LUZP2: variants seen among roughly 807,000 people sequenced by gnomAD.
LUZP2 encodes the protein leucine zipper protein 2.
Under a neutral mutation model 51.6 loss-of-function variants are expected in LUZP2, and 52 were observed. The observed-to-expected ratio is 1.01, with a 90% CI of 0.81 to 1.27. LUZP2 has a LOEUF of 1.27. Ranked by LOEUF, LUZP2 falls within the 50% of genes most tolerant of loss-of-function variation. The probability of loss-of-function intolerance (pLI) is 0.00; values close to 1 mark genes in which losing one functional copy is unlikely to be tolerated. For synonymous variants in LUZP2, 154 were observed against 137.3 expected, an observed-to-expected ratio of 1.12 and a Z score of -0.85; for missense variants, 436 against 395.4, an observed-to-expected ratio of 1.10 and a Z score of -0.87.
intron 7 of LUZP2, among the ~76,000 whole-genome samples, chr11:24,962,782 C>A (rs1182585066): frequency 6.6e-6 from 1 of 152,222 alleles, no homozygotes; most frequent in Non-Finnish European, 1.5e-5. Context: ...ATTCTCCGTC[C>A]CGCTTTGTTC....
intron 1 of LUZP2, among the ~76,000 whole-genome samples, chr11:24,528,766 C>T (rs1195545402): frequency 6.6e-6 from 1 of 151,152 alleles, no homozygotes; most frequent in African/African-American, 2.4e-5. Flanking sequence ...ATTCAAGCCC[C>T]TAAATGCTGA....
intron 1 of LUZP2, among the ~76,000 whole-genome samples, chr11:24,721,386 T>C (rs4254071): frequency 0.18 from 27,771 of 152,174 alleles, 3,199 homozygotes; most frequent in East Asian, 0.3. Context: ...CAATAGGAAA[T>C]ACCATATTTG....
intron 5 of LUZP2, among the ~76,000 whole-genome samples, chr11:24,776,178 A>G (rs765459671): frequency 1.3e-5 from 2 of 152,222 alleles, no homozygotes; most frequent in African/African-American, 2.4e-5. Flanking sequence ...ACTTTTAGAC[A>G]GTCTCATTTC....
At chr11:24,556,574 G>A (rs550002337) in intron 1 of LUZP2, among the ~76,000 whole-genome samples, 8 of 152,256 alleles carry the variant, frequency 5.3e-5, no homozygotes, top group Non-Finnish European at 5.9e-5. Flanking sequence ...AATATGTAGA[G>A]TAAGGCAGAG....
chr11:24,677,639 T>C (rs1316444055), intron 1 of LUZP2, among the ~76,000 whole-genome samples: 1 of 152,238 alleles, frequency 6.6e-6, no homozygotes, highest in Non-Finnish European at 1.5e-5. Flanking sequence ...TGTTCTTTAT[T>C]CATTTTCTTT....
At chr11:24,730,770 T>G (rs1482783207) in intron 2 of LUZP2, among the ~76,000 whole-genome samples, 1 of 151,936 alleles carries the variant, frequency 6.6e-6, no homozygotes, top group Middle Eastern at 3.4e-3. Context: ...GCAAGACATC[T>G]TATAACAGTC....
chr11:24,913,900 T>A (rs1853713467), intron 6 of LUZP2, among the ~76,000 whole-genome samples: 1 of 152,078 alleles, frequency 6.6e-6, no homozygotes, highest in Non-Finnish European at 1.5e-5. Flanking sequence ...AATGTGGTAG[T>A]CAAAGCAAAC....
At chr11:24,759,754 T>G (rs1228139660) in intron 4 of LUZP2, among the ~76,000 whole-genome samples, 1 of 152,162 alleles carries the variant, frequency 6.6e-6, no homozygotes, top group Non-Finnish European at 1.5e-5. Context: ...AGCTGTTTTT[T>G]GGGGGATGCA....
At chr11:24,926,415 ATATATATGTGTG>A (rs1200402387) in intron 7 of LUZP2, among the ~76,000 whole-genome samples, 6 of 138,890 alleles carry the variant, frequency 4.3e-5, no homozygotes, top group African/African-American at 1.3e-4. Flanking sequence ...ATACGTGTGT[ATATATATGTGTG>A]TATATATATA....
At chr11:24,920,777 A>G (rs1370760041) in intron 7 of LUZP2, among the ~76,000 whole-genome samples, 4 of 152,000 alleles carry the variant, frequency 2.6e-5, no homozygotes, top group Non-Finnish European at 5.9e-5. Context: ...AATGATGGAT[A>G]ATGAGTACTC....
chr11:24,784,341 T>TA (rs1849177120), intron 5 of LUZP2, among the ~76,000 whole-genome samples: 1 of 151,892 alleles, frequency 6.6e-6, no homozygotes, highest in Non-Finnish European at 1.5e-5. Context: ...TAAGAATCAT[T>TA]AAAAAATGTT....
At chr11:24,965,115 G>T (rs917658157) in intron 7 of LUZP2, among the ~76,000 whole-genome samples, 1 of 151,038 alleles carries the variant, frequency 6.6e-6, no homozygotes, top group African/African-American at 2.4e-5. Flanking sequence ...ATAGGAAGAC[G>T]TCTAAACCAA....
At chr11:24,553,085 T>G (rs10767212) in intron 1 of LUZP2, among the ~76,000 whole-genome samples, 2 of 151,346 alleles carry the variant, frequency 1.3e-5, no homozygotes, top group African/African-American at 4.8e-5. Flanking sequence ...ACGTTATTTT[T>G]GCAAAGACAA....
chr11:24,526,375 G>A (rs1043965685), intron 1 of LUZP2, among the ~76,000 whole-genome samples: 2 of 150,240 alleles, frequency 1.3e-5, no homozygotes, highest in African/African-American at 2.4e-5. Context: ...TTGACCAAAT[G>A]TTATGATTTT....
At chr11:24,777,201 G>A (rs369785206) in intron 5 of LUZP2, among the ~76,000 whole-genome samples, 2 of 151,930 alleles carry the variant, frequency 1.3e-5, no homozygotes, top group African/African-American at 4.8e-5. Context: ...CACCGTGTTA[G>A]CCAGGATGGT....
At chr11:24,662,472 A>G (rs867307659) in intron 1 of LUZP2, among the ~76,000 whole-genome samples, 59 of 152,130 alleles carry the variant, frequency 3.9e-4, no homozygotes, top group African/African-American at 1.3e-3. Context: ...TATCTCTCCC[A>G]TTAATTAACA....
At chr11:24,535,494 T>C (rs930431655) in intron 1 of LUZP2, among the ~76,000 whole-genome samples, 1 of 151,636 alleles carries the variant, frequency 6.6e-6, no homozygotes, top group Non-Finnish European at 1.5e-5. Flanking sequence ...GCAGTATTCA[T>C]AATATCTTTA....
At chr11:24,637,197 C>G (rs773730970) in intron 1 of LUZP2, among the ~76,000 whole-genome samples, 3 of 151,656 alleles carry the variant, frequency 2.0e-5, no homozygotes, top group African/African-American at 7.3e-5. Flanking sequence ...ACAGAGAGAT[C>G]GGCTGGAGCC....
intron 1 of LUZP2, among the ~76,000 whole-genome samples, chr11:24,504,858 GA>G (rs1038833521): frequency 6.6e-6 from 1 of 152,122 alleles, no homozygotes; most frequent in African/African-American, 2.4e-5. Context: ...TGGCTTTCAT[GA>G]AGATGTGAAA....
Sources: gnomAD v4.1 joint callset for allele counts (sites outside exome capture counted in the v4.1 genomes callset) on GRCh38, gnomAD v4.1.1 for gene constraint, MANE v1.5 for transcripts, NCBI Gene and HGNC (gene_info 2026-07-23, HGNC 2026-07-21) for gene names.